Variants in SPIN1 observed in about 807,000 individuals in gnomAD.
SPIN1 encodes spindlin-1.
In SPIN1, 3 loss-of-function variants were observed where a neutral mutation model predicts 26.0. The ratio of observed to expected loss-of-function variants is 0.12; its 90% CI spans 0.05 to 0.30. The LOEUF (loss-of-function observed/expected upper bound fraction) is 0.30, where lower values mean the gene tolerates loss of function less well. Among genes scored for constraint, SPIN1 ranks in the 10% least tolerant of loss-of-function variants. The pLI is 1.00. For missense variants in SPIN1, 126 were observed against 333.4 expected (o/e 0.38, Z 4.84); for synonymous variants, 101 against 116.5 (o/e 0.87, Z 0.86).
rs960174878 is a variant in SPIN1, at chr9:88,477,554, C to G, written c.*2277C>G. 9.2e-5 allele frequency: 14 copies of G among 152,320 alleles called. No homozygotes were observed. Among genetic ancestry groups the G allele is most frequent in the Non-Finnish European group, 1.8e-4 (12 of 67,934 alleles). 9.4% of individuals were successfully genotyped at this position (152,320 alleles called of 1,614,324 possible). ...AGGGAAGGTTTGTTTTTTTTTCTCC[C>G]CATTTTCCCCCATTCTGTCTTTCTT... is the stretch of plus-strand genomic sequence containing the variant. On this transcript the variant is annotated 3_prime_UTR_variant, in exon 6 of 6. Coordinates refer to ENST00000375859, the MANE Select transcript of SPIN1 (RefSeq NM_006717.3).
intron 2 of SPIN1, among the ~76,000 whole-genome samples, chr9:88,429,063 C>T (rs770061354): frequency 3.3e-5 from 5 of 152,064 alleles, no homozygotes; most frequent in African/African-American, 4.8e-5. Flanking sequence ...GACAGGGTTT[C>T]GCAGTGTTGC....
intron 1 of SPIN1, among the ~76,000 whole-genome samples, chr9:88,395,710 A>G (rs1281726622): frequency 1.3e-5 from 2 of 151,950 alleles, no homozygotes; most frequent in African/African-American, 4.8e-5. Context: ...GGCTTCCCAA[A>G]AAACTTGGGA....
At chr9:88,467,319 C>G (rs1276246221) in intron 4 of SPIN1, among the ~76,000 whole-genome samples, 2 of 152,070 alleles carry the variant, frequency 1.3e-5, no homozygotes, top group Admixed American at 1.3e-4. Context: ...AGGTATAAAA[C>G]AAGAAAGGGA....
At chr9:88,471,114 TA>T (rs1828774642) in intron 5 of SPIN1, among the ~76,000 whole-genome samples, 1 of 152,218 alleles carries the variant, frequency 6.6e-6, no homozygotes, top group Non-Finnish European at 1.5e-5. Context: ...AAGTCCGAGT[TA>T]TGTTTTCTCT....
At chr9:88,400,511 C>T (rs1361033500) in intron 1 of SPIN1, among the ~76,000 whole-genome samples, 2 of 152,080 alleles carry the variant, frequency 1.3e-5, no homozygotes, top group East Asian at 1.9e-4. Flanking sequence ...TTTTTCTGGC[C>T]TAACAAGGAA....
chr9:88,399,106 A>C (rs1305619875), intron 1 of SPIN1, among the ~76,000 whole-genome samples: 2 of 149,298 alleles, frequency 1.3e-5, no homozygotes, highest in Non-Finnish European at 1.5e-5. Context: ...ATCTTGGCTC[A>C]CTGCAACCTC....
intron 2 of SPIN1, among the ~76,000 whole-genome samples, chr9:88,427,819 G>A (rs1467963359): frequency 6.6e-6 from 1 of 151,982 alleles, no homozygotes; most frequent in African/African-American, 2.4e-5. Flanking sequence ...GGCCGGTCTT[G>A]AACTCCTGAC....
At chr9:88,434,762 A>G (rs991706722) in intron 2 of SPIN1, among the ~76,000 whole-genome samples, 2 of 152,108 alleles carry the variant, frequency 1.3e-5, no homozygotes, top group African/African-American at 4.8e-5. Flanking sequence ...TCTTACAGAT[A>G]ATAGCTACAA....
In SPIN1 at chr9:88,390,826, T is replaced by G. The variant is rs545197180; in HGVS notation, c.-159+2288T>G. Among the ~76,000 whole-genome samples, 8 of 152,318 alleles carry G rather than the reference T, an allele frequency of 5.3e-5. No individual in the cohort carries two copies. In the South Asian group the frequency reaches 1.7e-3, roughly 32 times the overall value. ...TACTGGTCCAAAGCCACATAACTGA[T>G]TCATCATGCAGCCTTTTTTTAAAAA... is the stretch of plus-strand genomic sequence containing the variant. On this transcript the variant is annotated intron_variant, in intron 1 of 5. Coordinates refer to ENST00000375859, the MANE Select transcript of SPIN1 (RefSeq NM_006717.3).
intron 1 of SPIN1, among the ~76,000 whole-genome samples, chr9:88,392,684 A>G (rs964972784): frequency 1.3e-5 from 2 of 150,710 alleles, no homozygotes; most frequent in Non-Finnish European, 2.9e-5. Context: ...TTTTCTATCT[A>G]TCCTCCTTTG....
At chr9:88,409,246 C>T (rs756504444) in intron 1 of SPIN1, among the ~76,000 whole-genome samples, 18 of 140,592 alleles carry the variant, frequency 1.3e-4, no homozygotes, top group Non-Finnish European at 2.5e-4. Context: ...CTGCCCGCCT[C>T]GGCCTCCCAA....
chr9:88,457,766 CT>C, intron 3 of SPIN1: 1 of 916,796 alleles, frequency 1.1e-6, no homozygotes, highest in Non-Finnish European at 1.3e-6. Context: ...TATTCCTGAA[CT>C]TTACCTGAAA....
chr9:88,438,190 C>G (rs1828046138), intron 2 of SPIN1, among the ~76,000 whole-genome samples: 1 of 151,652 alleles, frequency 6.6e-6, no homozygotes, highest in Non-Finnish European at 1.5e-5. Context: ...TAAATTAATT[C>G]ATTAATTGCT....
At chr9:88,424,503 C>T (rs1335633041) in intron 1 of SPIN1, among the ~76,000 whole-genome samples, 1 of 152,076 alleles carries the variant, frequency 6.6e-6, no homozygotes, top group Non-Finnish European at 1.5e-5. Flanking sequence ...TAATAATCAT[C>T]GTGATGTGAT....
intron 3 of SPIN1, among the ~76,000 whole-genome samples, chr9:88,459,402 C>T (rs2118176977): frequency 6.6e-6 from 1 of 152,290 alleles, no homozygotes; most frequent in East Asian, 1.9e-4. Flanking sequence ...AGTCAACTTT[C>T]TTCTACCTCT....
intron 1 of SPIN1, among the ~76,000 whole-genome samples, chr9:88,417,863 A>G (rs1338432714): frequency 6.6e-6 from 1 of 152,222 alleles, no homozygotes; most frequent in East Asian, 1.9e-4. Flanking sequence ...GTAATTTGCT[A>G]GAATCACTCA....
chr9:88,410,028 C>T (rs1421896694), intron 1 of SPIN1, among the ~76,000 whole-genome samples: 1 of 152,050 alleles, frequency 6.6e-6, no homozygotes, highest in Admixed American at 6.6e-5. Context: ...GTCAAGTTCT[C>T]AGCTGGTCCT....
At chr9:88,392,358 C>T (rs1826942436) in intron 1 of SPIN1, among the ~76,000 whole-genome samples, 1 of 152,146 alleles carries the variant, frequency 6.6e-6, no homozygotes, top group Non-Finnish European at 1.5e-5. Context: ...TGTATCCTTA[C>T]AGACTTTATA....
intron 3 of SPIN1, among the ~76,000 whole-genome samples, chr9:88,457,626 G>A (rs7852814): frequency 0.054 from 8,204 of 152,128 alleles, 710 homozygotes; most frequent in African/African-American, 0.18. Context: ...ATTTTAGATG[G>A]TAAAATGAAA....
Sources: gnomAD v4.1 joint callset for allele counts (sites outside exome capture counted in the v4.1 genomes callset) on GRCh38, gnomAD v4.1.1 for gene constraint, MANE v1.5 for transcripts, NCBI Gene and HGNC (gene_info 2026-07-23, HGNC 2026-07-21) for gene names.